SH3TC1: variants seen among roughly 807,000 people sequenced by gnomAD.
SH3TC1 encodes the protein SH3 domain and tetratricopeptide repeat-containing protein 1.
SH3TC1 carries 135 observed loss-of-function variants against 117.3 expected under a neutral mutation model. That is an observed-to-expected ratio of 1.15 (90% CI 1.00 to 1.33). The LOEUF is 1.33. SH3TC1 is among the 40% of genes most tolerant of loss of function. The pLI, the probability that SH3TC1 is intolerant of heterozygous loss-of-function variation, is 0.00. For missense variants in SH3TC1, 2,092 were observed against 1,794.3 expected (o/e 1.17, Z -3.00); for synonymous variants, 898 against 816.9 (o/e 1.10, Z -1.69).
At chr4:8,184,626 G>A (rs572543746) in intron 1 of SH3TC1, among the ~76,000 whole-genome samples, 4 of 151,984 alleles carry the variant, frequency 2.6e-5, no homozygotes, top group African/African-American at 9.7e-5. Context: ...TGATCCTCCC[G>A]CCTCAGCCTC....
Position 8,232,768 on chromosome 4 carries a change from G to A in SH3TC1, c.3132-595G>A, listed in dbSNP as rs143680792. The A allele has an allele frequency of 7.1e-4, 922 of 1,289,564 alleles. 2 individuals carry two copies. The highest frequency in any genetic ancestry group is 6.7e-4 in the Non-Finnish European group (663 of 989,024). 79.9% of individuals were successfully genotyped at this position (1,289,564 alleles called of 1,614,324 possible). On this transcript the variant is annotated intron_variant, in intron 13 of 17. Transcript: ENST00000245105. ...TCACCAAGAGAGCAGGGAAGGAGCC[G>A]GATTCCACAGGGACCCGGGAGATCG...
At chr4:8,193,444 C>G (rs1404279261) in intron 1 of SH3TC1, among the ~76,000 whole-genome samples, 1 of 152,170 alleles carries the variant, frequency 6.6e-6, no homozygotes, top group African/African-American at 2.4e-5. Flanking sequence ...TTTGAGCTGG[C>G]CCTGACCCCT....
intron 12 of SH3TC1, chr4:8,231,745 G>C: frequency 1.8e-6 from 1 of 569,454 alleles, no homozygotes; most frequent in Non-Finnish European, 3.1e-6. Flanking sequence ...TGGTGCAGGG[G>C]CCAAGCTCGG....
At chr4:8,224,119 G>A (rs1308538553) in intron 10 of SH3TC1, among the ~76,000 whole-genome samples, 1 of 152,146 alleles carries the variant, frequency 6.6e-6, no homozygotes. Context: ...ATACACACAT[G>A]TGCATGCACC....
intron 1 of SH3TC1, among the ~76,000 whole-genome samples, chr4:8,200,698 C>T (rs568558108): frequency 2.6e-5 from 4 of 152,354 alleles, no homozygotes; most frequent in South Asian, 4.1e-4. Context: ...CCCTCTCGGT[C>T]GTGTTCTCTC....
In SH3TC1 at chr4:8,186,549, G is replaced by T. The variant is rs547784111; in HGVS notation, c.-57+4339G>T. On this transcript the variant is annotated intron_variant, in intron 1 of 16. Transcript: ENST00000508641. This position sits in a 1 kb window ranked among gnomAD's most constrained non-coding sequence, Gnocchi z 5.2. ...TACGCAGGTGTGAGATGGTCATCACGGGGGAGGCTGATGGGAGTTTATGCC... is the reference window on the plus strand; with the variant it reads ...TACGCAGGTGTGAGATGGTCATCACTGGGGAGGCTGATGGGAGTTTATGCC... 6.6e-6 allele frequency among the ~76,000 whole-genome samples: 1 copy of T among 152,184 alleles called. No homozygotes were observed.
At position 8,205,068 on chromosome 4, in the gene SH3TC1, CA is replaced by C; in HGVS notation, c.-28-97del. The C allele has an allele frequency of 3.0e-6, 3 of 986,244 alleles. No individual in the cohort carries two copies. The highest frequency in any genetic ancestry group is 4.3e-6 in the Non-Finnish European group (3 of 696,648). The allele number at this position is 986,244 out of a possible 1,614,324, so 61.1% of individuals were successfully genotyped here. ...GGATCTGAAAGGTGCAGGCGCTCAG[CA>C]ACGCTGGTGTTCTCTTTCTGGACCC... On this transcript the variant is annotated intron_variant, in intron 1 of 17. Coordinates refer to ENST00000245105, the MANE Select transcript of SH3TC1 (RefSeq NM_018986.5). The surrounding 1 kb of genome is among the most constrained non-coding windows in gnomAD (Gnocchi z 5.4).
intron 17 of SH3TC1, among the ~76,000 whole-genome samples, chr4:8,238,138 G>T (rs918050636): frequency 3.9e-5 from 6 of 152,136 alleles, no homozygotes; most frequent in African/African-American, 1.4e-4. Context: ...GTGCCAGCCT[G>T]CACTGAGCAA....
At chr4:8,189,543 G>A (rs549766132) in intron 1 of SH3TC1, among the ~76,000 whole-genome samples, 16 of 152,348 alleles carry the variant, frequency 1.1e-4, no homozygotes, top group Admixed American at 2.6e-4. Flanking sequence ...CCAGGGCCCC[G>A]CCAGGGGTGG....
At chr4:8,193,148 C>A (rs944809021) in intron 1 of SH3TC1, among the ~76,000 whole-genome samples, 1 of 152,244 alleles carries the variant, frequency 6.6e-6, no homozygotes, top group Non-Finnish European at 1.5e-5. Flanking sequence ...CATCCCCCGG[C>A]CCTACCCAGA....
intron 17 of SH3TC1, among the ~76,000 whole-genome samples, chr4:8,238,972 G>T (rs1722074764): frequency 6.6e-6 from 1 of 152,180 alleles, no homozygotes; most frequent in South Asian, 2.1e-4. Context: ...GTCTTTCCAA[G>T]GCCACACCCT....
chr4:8,218,162 G>A (rs1719492030), intron 7 of SH3TC1, 109 bp from the exon 8 acceptor site: 1 of 675,112 alleles, frequency 1.5e-6, no homozygotes, highest in Non-Finnish European at 2.6e-6. Context: ...GGGGAGGCGA[G>A]GGACCTGCTC....
Position 8,214,400 on chromosome 4 carries a change from A to G in SH3TC1, c.376-75A>G. 1.2e-5 allele frequency: 17 copies of G among 1,380,866 alleles called. No individual in the cohort carries two copies. In the South Asian group the frequency reaches 1.9e-4, roughly 15 times the overall value. The allele number at this position is 1,380,866 out of a possible 1,614,324, so 85.5% of individuals were successfully genotyped here. On this transcript the variant is annotated intron_variant, in intron 4 of 17. Coordinates refer to ENST00000245105, the MANE Select transcript of SH3TC1 (RefSeq NM_018986.5). ...GCCACATCTGCAAGATGTCTCTGTC[A>G]TGTGGACGCTGTCCTCCTGACAGAT... is the stretch of plus-strand genomic sequence containing the variant.
At chr4:8,218,548 G>A (rs1466995904) in intron 8 of SH3TC1, among the ~76,000 whole-genome samples, 2 of 152,194 alleles carry the variant, frequency 1.3e-5, no homozygotes, top group Non-Finnish European at 2.9e-5. Flanking sequence ...TCTCCAGCTT[G>A]TGAGGTCATA....
At chr4:8,193,785 C>T (rs1000588337) in intron 1 of SH3TC1, among the ~76,000 whole-genome samples, 1 of 152,138 alleles carries the variant, frequency 6.6e-6, no homozygotes, top group Non-Finnish European at 1.5e-5. Flanking sequence ...GGGAGTGGGA[C>T]CGACCCTCAG....
chr4:8,220,387 T>TGG (rs35719688), intron 9 of SH3TC1, among the ~76,000 whole-genome samples: 48 of 151,634 alleles, frequency 3.2e-4, no homozygotes, highest in East Asian at 7.8e-4. Context: ...GTGGCTCCTC[T>TGG]GGGGGGGGCA....
Position 8,226,750 on chromosome 4 carries a change from A to G in SH3TC1, c.1286-230A>G, listed in dbSNP as rs1435127330. On this transcript the variant is annotated intron_variant, in intron 11 of 17. Coordinates refer to ENST00000245105, the MANE Select transcript of SH3TC1 (RefSeq NM_018986.5). The stretch of plus-strand genomic sequence containing the variant: ...GGTGATTTCATAGGAGAGTTGGGCC[A>G]TGGGCCTGTGTTTTCCCTGTCCCCA... Among the ~76,000 whole-genome samples, 3 of 152,236 alleles carry G rather than the reference A, an allele frequency of 2.0e-5. No homozygotes were observed. In the East Asian group the frequency reaches 5.8e-4, roughly 29 times the overall value.
At chr4:8,220,427 G>A (rs1031549451) in intron 9 of SH3TC1, among the ~76,000 whole-genome samples, 1 of 152,100 alleles carries the variant, frequency 6.6e-6, no homozygotes, top group African/African-American at 2.4e-5. Context: ...CTTCCTATGT[G>A]ATTTACACGC....
intron 1 of SH3TC1, among the ~76,000 whole-genome samples, chr4:8,193,946 C>G (rs1717486612): frequency 6.6e-6 from 1 of 152,242 alleles, no homozygotes; most frequent in Non-Finnish European, 1.5e-5. Context: ...CCTGTGCCTT[C>G]CTATGACTGC....
Sources: gnomAD v4.1 joint callset for allele counts (sites outside exome capture counted in the v4.1 genomes callset) on GRCh38, gnomAD v4.1.1 for gene constraint, Gnocchi (gnomAD v3.1) non-coding constraint, MANE v1.5 for transcripts, NCBI Gene and HGNC (gene_info 2026-07-23, HGNC 2026-07-21) for gene names.